ARID1B: variants seen among roughly 807,000 people sequenced by gnomAD.
ARID1B encodes the protein AT-rich interactive domain-containing protein 1B.
Under a neutral mutation model 212.3 loss-of-function variants are expected in ARID1B, and 30 were observed. That is an observed-to-expected ratio of 0.14 (90% CI 0.11 to 0.19). The LOEUF (loss-of-function observed/expected upper bound fraction) is 0.19, where lower values mean the gene tolerates loss of function less well. ARID1B is among the 10% of genes least tolerant of loss of function. ARID1B has a pLI of 1.00. For missense variants in ARID1B, 2,891 were observed against 3,204.0 expected (o/e 0.90, Z 2.36); for synonymous variants, 1,402 against 1,301.7 (o/e 1.08, Z -1.66).
intron 3 of ARID1B, among the ~76,000 whole-genome samples, chr6:156,934,121 A>G (rs1791965619): frequency 6.6e-6 from 1 of 152,250 alleles, no homozygotes; most frequent in Admixed American, 6.5e-5. Flanking sequence ...CACATATTTG[A>G]ACTGACAAGG....
chr6:156,888,443 TGAAGTACTGTTA>T (rs1328022113), intron 2 of ARID1B, among the ~76,000 whole-genome samples: 3 of 152,240 alleles, frequency 2.0e-5, no homozygotes, highest in African/African-American at 7.2e-5. Context: ...AACATGTGTG[TGAAGTACTGTTA>T]GACTGTGTTG....
intron 4 of ARID1B, among the ~76,000 whole-genome samples, chr6:157,000,589 A>G (rs938838861): frequency 6.6e-6 from 1 of 152,144 alleles, no homozygotes; most frequent in African/African-American, 2.4e-5. Flanking sequence ...ATGGATGTGG[A>G]ACAATGTTCT....
At chr6:157,055,295 A>G (rs1421263627) in intron 4 of ARID1B, among the ~76,000 whole-genome samples, 2 of 152,218 alleles carry the variant, frequency 1.3e-5, no homozygotes, top group African/African-American at 4.8e-5. Flanking sequence ...TAGTTTACCC[A>G]TCTTATTTTT....
rs114234398 is a variant in ARID1B, at chr6:157,037,047, G to A, written c.2248-47615G>A. Among the ~76,000 whole-genome samples the A allele has an allele frequency of 2.6e-3, 396 of 152,194 alleles. 3 individuals are homozygous for A. Among genetic ancestry groups the A allele is most frequent in the Middle Eastern group, 0.02 (6 of 294 alleles). On this transcript the variant is annotated intron_variant, in intron 4 of 19. Transcript: ENST00000636930. ...TTATTGTGATTAAGATTAGACTGTGGTAGTATTTTCATTACCTTCTTTGTT... is the reference window on the plus strand; with the variant it reads ...TTATTGTGATTAAGATTAGACTGTGATAGTATTTTCATTACCTTCTTTGTT...
In ARID1B at chr6:157,146,088, G is replaced by A. The variant is rs540050415; in HGVS notation, c.2762-2536G>A. Among the ~76,000 whole-genome samples the A allele has an allele frequency of 5.9e-5, 9 of 151,936 alleles. 1 individual carries two copies. In the East Asian group the frequency reaches 9.7e-4, roughly 16 times the overall value. ...CCCAGCCTCTCCCCTCTATCCCCCC[G>A]TCAGCCACACACAGCGCCCCAGTGG... On this transcript the variant is annotated intron_variant, in intron 7 of 19. Coordinates refer to ENST00000636930, the MANE Select transcript of ARID1B (RefSeq NM_001374828.1).
At chr6:156,901,238 A>T in intron 2 of ARID1B, 138 bp from the exon 3 acceptor site, 1 of 992,396 alleles carries the variant, frequency 1.0e-6, no homozygotes, top group Non-Finnish European at 1.5e-6. Flanking sequence ...CGATTTGTTT[A>T]AGGAAGAGAG....
chr6:157,207,171 T>C lies in ARID1B; in HGVS notation c.6399T>C (p.Asp2133=). The change falls in exon 20 of 20, where the codon GAT becomes GAC. Residue 2133 remains aspartate (D), a synonymous_variant. Coordinates refer to ENST00000636930, the MANE Select transcript of ARID1B (RefSeq NM_001374828.1). This position sits in a 1 kb window ranked among gnomAD's most constrained non-coding sequence, Gnocchi z 8.5. ...ACAAGGGGGTGGCCTGCAGCAAAGATGAGTGGTGGTGGGACTGCCTCGAGG... is the reference window on the plus strand; with the variant it reads ...ACAAGGGGGTGGCCTGCAGCAAAGACGAGTGGTGGTGGGACTGCCTCGAGG... ...DEDKGVACSK[D]EWWWDCLEVL... The C allele has an allele frequency of 1.2e-6, 2 of 1,614,046 alleles. No homozygotes were observed. The highest frequency in any genetic ancestry group is 2.2e-5 in the East Asian group (1 of 44,888).
intron 6 of ARID1B, among the ~76,000 whole-genome samples, chr6:157,120,125 A>C (rs1372444854): frequency 1.3e-5 from 2 of 152,232 alleles, no homozygotes; most frequent in Admixed American, 6.5e-5. Flanking sequence ...TCTCCAGGGC[A>C]TAGCGACGTA....
chr6:156,977,963 C>G (rs935465133), intron 4 of ARID1B, among the ~76,000 whole-genome samples: 5 of 152,124 alleles, frequency 3.3e-5, no homozygotes, highest in African/African-American at 1.2e-4. Context: ...CGTGGTTTTC[C>G]CTCTCTGGCG....
chr6:157,042,312 T>C (rs1442962942), intron 4 of ARID1B, among the ~76,000 whole-genome samples: 1 of 152,210 alleles, frequency 6.6e-6, no homozygotes, highest in African/African-American at 2.4e-5. Context: ...TTTAAAGACT[T>C]TTCCCTTTGA....
rs75348500 is a variant in ARID1B at position 157,064,379 on chromosome 6, G to A, written c.2248-20283G>A. ...CTCCAGAACGCATGTTTAGCTATGT[G>A]TGTTCGTAATATTAAAGAGCAAAAT... On this transcript the variant is annotated intron_variant, in intron 4 of 19. Coordinates refer to ENST00000636930, the MANE Select transcript of ARID1B (RefSeq NM_001374828.1). Among the ~76,000 whole-genome samples, 458 of 152,220 alleles carry A rather than the reference G, an allele frequency of 3.0e-3. 4 individuals are homozygous for A. Among genetic ancestry groups the A allele is most frequent in the African/African-American group, 0.01 (420 of 41,526 alleles).
In ARID1B at chr6:156,829,397, C is replaced by A. The variant is rs752755002; in HGVS notation, c.1962C>A (p.Ala654=). ...GIQGRTPGAM[A]GMQYPQQQMP... is the part of the protein sequence containing the mutation. ...AGGGTCGGACTCCCGGGGCCATGGC[C>A]GGAATGCAGTACCCTCAGCAGCAGG... Residue 654 remains alanine (A), a synonymous_variant, in exon 2 of 20, where the codon GCC becomes GCA. Transcript: ENST00000636930. 6.2e-7 allele frequency: 1 copy of A among 1,614,110 alleles called. No homozygotes were observed. Among genetic ancestry groups the A allele is most frequent in the Non-Finnish European group, 8.5e-7 (1 of 1,180,002 alleles).
intron 3 of ARID1B, among the ~76,000 whole-genome samples, chr6:156,919,094 G>T (rs1288309272): frequency 6.6e-6 from 1 of 152,136 alleles, no homozygotes; most frequent in African/African-American, 2.4e-5. Flanking sequence ...AATGTCTTTT[G>T]GTATGAATTT....
intron 4 of ARID1B, among the ~76,000 whole-genome samples, chr6:157,033,016 G>C (rs1374612847): frequency 6.6e-6 from 1 of 152,098 alleles, no homozygotes; most frequent in Admixed American, 6.5e-5. Context: ...TGAAAATTTG[G>C]TTATATTCAC....
chr6:156,963,579 G>A (rs909394811), intron 4 of ARID1B, among the ~76,000 whole-genome samples: 6 of 152,060 alleles, frequency 3.9e-5, no homozygotes, highest in African/African-American at 1.4e-4. Context: ...TAATTTAGTT[G>A]TCTTTTTTGT....
At chr6:157,058,930 G>A (rs866194535) in intron 4 of ARID1B, among the ~76,000 whole-genome samples, 1 of 152,194 alleles carries the variant, frequency 6.6e-6, no homozygotes, top group African/African-American at 2.4e-5. Context: ...TCACAGACAG[G>A]CAGGAATGAA....
chr6:156,991,807 T>C lies in ARID1B; in HGVS notation c.2247+56231T>C, dbSNP rs191558666. Among the ~76,000 whole-genome samples, 747 of 152,350 alleles carry C rather than the reference T, an allele frequency of 4.9e-3. 2 individuals carry two copies. The highest frequency in any genetic ancestry group is 8.2e-3 in the Non-Finnish European group (559 of 68,034). On this transcript the variant is annotated intron_variant, in intron 4 of 19. Coordinates refer to ENST00000636930, the MANE Select transcript of ARID1B (RefSeq NM_001374828.1). ...ACATTTCAGTATTTCAAAAGTTCTA[T>C]TGAAATGAGATGCATTATCTATAAA...
rs767247521 is a variant in ARID1B at position 156,779,172 on chromosome 6, G to T, written c.1492G>T (p.Ala498Ser). 5.3e-6 allele frequency: 7 copies of T among 1,323,470 alleles called. No homozygotes were observed. The Admixed American group carries it at 1.3e-4, about 25-fold the overall frequency. 82.0% of individuals were successfully genotyped at this position (1,323,470 alleles called of 1,614,324 possible). Residue 498 changes from alanine (A) to serine (S), a missense_variant, in exon 1 of 20, where the codon GCC (alanine) becomes TCC (serine). Physicochemically the swap from Ala to Ser is moderately conservative, Grantham distance 99 (BLOSUM62 1). Around this residue, in one of 7 missense-constraint regions of ARID1B, gnomAD observed 1,643 missense variants for 1,544.0 expected, o/e 1.06. Transcript: ENST00000636930. ...FAGQNQHPSG[A>S]TPTLNQLLTS... Reference sequence around the variant, plus strand: ...CGGCCAGAACCAGCACCCGTCGGGGGCCACCCCGACCCTCAATCAGCTGCT... The same window carrying T: ...CGGCCAGAACCAGCACCCGTCGGGGTCCACCCCGACCCTCAATCAGCTGCT...
At chr6:157,026,408 A>G (rs1339078939) in intron 4 of ARID1B, among the ~76,000 whole-genome samples, 2 of 152,190 alleles carry the variant, frequency 1.3e-5, no homozygotes, top group Non-Finnish European at 2.9e-5. Context: ...AAGTGACTTT[A>G]TTATTTAATG....
Sources: gnomAD v4.1 joint callset for allele counts (sites outside exome capture counted in the v4.1 genomes callset) on GRCh38, gnomAD v4.1.1 for gene constraint, gnomAD v4.1.1 regional missense constraint, Gnocchi (gnomAD v3.1) non-coding constraint, MANE v1.5 for transcripts, NCBI Gene and HGNC (gene_info 2026-07-23, HGNC 2026-07-21) for gene names.